Variants in ACAP1 observed in about 807,000 individuals in gnomAD.
The protein encoded by ACAP1 is ArfGAP with coiled-coil, ankyrin repeat and PH domains 1.
ACAP1 carries 45 observed loss-of-function variants against 98.8 expected under a neutral mutation model. That is an observed-to-expected ratio of 0.46 (90% CI 0.36 to 0.58). The LOEUF (loss-of-function observed/expected upper bound fraction) is 0.58. Among genes scored for constraint, ACAP1 ranks in the 20% least tolerant of loss-of-function variants. The pLI is 0.00. For missense variants in ACAP1, 735 were observed against 971.4 expected (o/e 0.76, Z 3.24); for synonymous variants, 362 against 375.3 (o/e 0.96, Z 0.41).
Position 7,350,086 on chromosome 17 carries a change from G to C in ACAP1, c.1961+32G>C. 1 of 1,613,324 alleles carries C rather than the reference G, an allele frequency of 6.2e-7. No individual in the cohort carries two copies. The highest frequency in any genetic ancestry group is 8.5e-7 in the Non-Finnish European group (1 of 1,179,336). ...ATGATGGCATGGGGAGGAAGGCTGG[G>C]AGAAGTTGGGCGGCCGGCTGACCCT... On this transcript the variant is annotated intron_variant, in intron 19 of 21. Coordinates refer to ENST00000158762, the MANE Select transcript of ACAP1 (RefSeq NM_014716.4). This position sits in a 1 kb window ranked among gnomAD's most constrained non-coding sequence, Gnocchi z 4.6.
rs961023137 is a variant in ACAP1, at chr17:7,337,301, C to G, written c.54-11C>G. 1 of 1,613,918 alleles carries G rather than the reference C, an allele frequency of 6.2e-7. No homozygotes were observed. The highest frequency in any genetic ancestry group is 8.5e-7 in the Non-Finnish European group (1 of 1,179,832). ...ACCCAAGCTCTCTTCCCATGACCCC[C>G]TCTTTCCCAGAGCCTCTATTGAGCT... On this transcript the variant is annotated splice_polypyrimidine_tract_variant and intron_variant, in intron 1 of 21. Transcript: ENST00000158762.
chr17:7,341,971 C>A lies in ACAP1; in HGVS notation c.135C>A (p.Leu45=). Reference sequence around the variant, plus strand: ...AGCTCCTGAAACTGGGCACTGGTCTCCTGGAAAGTGGGCGCCATTACCTTG... The same window carrying A: ...AGCTCCTGAAACTGGGCACTGGTCTACTGGAAAGTGGGCGCCATTACCTTG... ...LEKLLKLGTG[L]LESGRHYLAA... Residue 45 remains leucine, a synonymous_variant, in exon 3 of 22, where the codon CTC becomes CTA. Transcript: ENST00000158762. 6.2e-7 allele frequency: 1 copy of A among 1,614,198 alleles called. No homozygotes were observed. The highest frequency in any genetic ancestry group is 8.5e-7 in the Non-Finnish European group (1 of 1,180,034).
In ACAP1 at chr17:7,344,394, G is replaced by C; in HGVS notation, c.745-145G>C. The C allele has an allele frequency of 1.4e-6, 1 of 706,650 alleles. No individual in the cohort carries two copies. Among genetic ancestry groups the C allele is most frequent in the Non-Finnish European group, 2.4e-6 (1 of 422,916 alleles). 43.8% of individuals were successfully genotyped at this position (706,650 alleles called of 1,614,324 possible). On this transcript the variant is annotated intron_variant, in intron 9 of 21. Coordinates refer to ENST00000158762, the MANE Select transcript of ACAP1 (RefSeq NM_014716.4). The surrounding 1 kb of genome is among the most constrained non-coding windows in gnomAD (Gnocchi z 4.9). ...CAACTGCACTTAAGCCTGGGTGAAAGAACAAGACCCTGTCTCTAAAAATAA... is the reference window on the plus strand; with the variant it reads ...CAACTGCACTTAAGCCTGGGTGAAACAACAAGACCCTGTCTCTAAAAATAA...
At chr17:7,348,822 T>A (rs1180066662) in intron 17 of ACAP1, 173 bp from the exon 18 acceptor site, 17 of 635,488 alleles carry the variant, frequency 2.7e-5, no homozygotes, top group Non-Finnish European at 4.6e-5. Context: ...CTCGTACACA[T>A]GCATACGCAT....
At chr17:7,342,673 G>A in intron 5 of ACAP1, 199 bp downstream of exon 5, 1 of 636,846 alleles carries the variant, frequency 1.6e-6, no homozygotes, top group Non-Finnish European at 2.7e-6. Flanking sequence ...GCCAAGGCGG[G>A]CGGATCACCT....
In ACAP1 at chr17:7,350,835, C is replaced by A. The variant is rs2073400484; in HGVS notation, c.2073-115C>A. ...CCATGTTGGCCAGGACGGTCTCGATCTCCTGACCTCGTGATCCGCCTGCCT... is the reference window on the plus strand; with the variant it reads ...CCATGTTGGCCAGGACGGTCTCGATATCCTGACCTCGTGATCCGCCTGCCT... On this transcript the variant is annotated intron_variant, in intron 20 of 21. Coordinates refer to ENST00000158762, the MANE Select transcript of ACAP1 (RefSeq NM_014716.4). This position sits in a 1 kb window ranked among gnomAD's most constrained non-coding sequence, Gnocchi z 4.6. 4.0e-6 allele frequency: 4 copies of A among 1,000,868 alleles called. No homozygotes were observed. The South Asian group carries it at 4.1e-5, about 10-fold the overall frequency. The allele number at this position is 1,000,868 out of a possible 1,614,324, so 62.0% of individuals were successfully genotyped here. A position where few individuals can be genotyped will look rare whatever the true frequency, so the allele number is the denominator to read the frequency against.
intron 5 of ACAP1, 154 bp downstream of exon 5, chr17:7,342,628 G>C (rs1316728776): frequency 3.5e-6 from 3 of 861,446 alleles, no homozygotes; most frequent in African/African-American, 1.7e-5. Flanking sequence ...GGCCGGGCAC[G>C]GTGGCTCATG....
intron 2 of ACAP1, among the ~76,000 whole-genome samples, chr17:7,340,306 G>C (rs2073263613): frequency 6.6e-6 from 1 of 152,168 alleles, no homozygotes; most frequent in Non-Finnish European, 1.5e-5. Context: ...GAATGCTCTT[G>C]AAGTTTATCC....
intron 2 of ACAP1, among the ~76,000 whole-genome samples, chr17:7,340,025 T>A (rs1003209411): frequency 6.6e-6 from 1 of 151,858 alleles, no homozygotes; most frequent in Non-Finnish European, 1.5e-5. Context: ...ACTCAGGAGG[T>A]CAAGGTAGGA....
At chr17:7,341,844 G>C in intron 2 of ACAP1, 104 bp from the exon 3 acceptor site, 5 of 1,537,256 alleles carry the variant, frequency 3.3e-6, no homozygotes, top group Non-Finnish European at 4.4e-6. Flanking sequence ...CAGGAATAGG[G>C]GAGCGCCGCC....
At chr17:7,336,870 T>C in intron 1 of ACAP1, 83 bp downstream of exon 1, 6 of 1,490,114 alleles carry the variant, frequency 4.0e-6, no homozygotes, top group Non-Finnish European at 5.6e-6. Context: ...AGGCCAGGTC[T>C]CCTTCCAGGG....
In ACAP1 at chr17:7,344,448, A is replaced by G; in HGVS notation, c.745-91A>G. 1.1e-6 allele frequency: 1 copy of G among 919,396 alleles called. No homozygotes were observed. Among genetic ancestry groups the G allele is most frequent in the Non-Finnish European group, 1.7e-6 (1 of 601,312 alleles). 57.0% of individuals were successfully genotyped at this position (919,396 alleles called of 1,614,324 possible). Reference sequence around the variant, plus strand: ...TTAAAAAGTATTTCAAAAAGCAGAAAGTAAGGGCTAGGGCTGTGGGCAGGA... The same window carrying G: ...TTAAAAAGTATTTCAAAAAGCAGAAGGTAAGGGCTAGGGCTGTGGGCAGGA... On this transcript the variant is annotated intron_variant, in intron 9 of 21. Coordinates refer to ENST00000158762, the MANE Select transcript of ACAP1 (RefSeq NM_014716.4). The surrounding 1 kb of genome is among the most constrained non-coding windows in gnomAD (Gnocchi z 4.9).
At chr17:7,340,753 G>C (rs976277558) in intron 2 of ACAP1, among the ~76,000 whole-genome samples, 6 of 152,206 alleles carry the variant, frequency 3.9e-5, no homozygotes, top group African/African-American at 1.4e-4. Context: ...GGCTGAGGCA[G>C]GAGGATCGCT....
chr17:7,343,383 C>G lies in ACAP1; in HGVS notation c.349C>G (p.Leu117Val). The G allele has an allele frequency of 1.2e-6, 2 of 1,612,464 alleles. No homozygotes were observed. Among genetic ancestry groups the G allele is most frequent in the Non-Finnish European group, 1.7e-6 (2 of 1,179,468 alleles). Residue 117 changes from leucine to valine, a missense_variant, in exon 6 of 22, where the codon CTG becomes GTG. Around this residue, in one of 5 missense-constraint regions of ACAP1, gnomAD observed 430 missense variants for 531.8 expected, o/e 0.81. Coordinates refer to ENST00000158762, the MANE Select transcript of ACAP1 (RefSeq NM_014716.4). The surrounding 1 kb of genome is among the most constrained non-coding windows in gnomAD (Gnocchi z 4.9). ...GTGTTATTTTCCCATCCTCAGAGGTCTGCGGGGTTTCCGAGAGGCTCGCCG... is the reference window on the plus strand; with the variant it reads ...GTGTTATTTTCCCATCCTCAGAGGTGTGCGGGGTTTCCGAGAGGCTCGCCG... The part of the protein sequence containing the change: ...QQIQTLVKEG[L>V]RGFREARRDF...
In ACAP1 at chr17:7,342,167, C is replaced by T. The variant is rs922104093; in HGVS notation, c.231+100C>T. On this transcript the variant is annotated intron_variant, in intron 3 of 21. Transcript: ENST00000158762. ...CCTGGGGTCTGCAGGTTCCAGGCCA[C>T]AGCAGGGCTGGGCTGCTGTCCATGA... 3 of 1,606,848 alleles carry T rather than the reference C, an allele frequency of 1.9e-6. No homozygotes were observed. In the African/African-American group the frequency reaches 4.0e-5, roughly 21 times the overall value.
chr17:7,336,747 C>G lies in ACAP1; in HGVS notation c.13C>G (p.Leu5Val). Residue 5 changes from leucine to valine, a missense_variant, in exon 1 of 22, where the codon CTG becomes GTG. Coordinates refer to ENST00000158762, the MANE Select transcript of ACAP1 (RefSeq NM_014716.4). ...CAGGCAAGCTGAGATGACGGTCAAG[C>G]TGGATTTCGAGGAGTGTCTCAAGGA... MTVK[L>V]DFEECLKDSP... 2 of 1,613,974 alleles carry G rather than the reference C, an allele frequency of 1.2e-6. No homozygotes were observed. Among genetic ancestry groups the G allele is most frequent in the Non-Finnish European group, 1.7e-6 (2 of 1,179,890 alleles).
intron 1 of ACAP1, 91 bp from the exon 2 acceptor site, chr17:7,337,221 C>A: frequency 3.2e-6 from 4 of 1,233,396 alleles, no homozygotes; most frequent in Non-Finnish European, 3.6e-6. Context: ...CTTTCTCCTC[C>A]GTACCCACCG....
rs184469798 is a variant in ACAP1, at chr17:7,350,302, G to T, written c.2072+65G>T. Reference sequence around the variant, plus strand: ...CCCCCACCCCCGCCCACCCACGTTCGGGCGGGCGGGCGGGGCTGACGCCGA... The same window carrying T: ...CCCCCACCCCCGCCCACCCACGTTCTGGCGGGCGGGCGGGGCTGACGCCGA... On this transcript the variant is annotated intron_variant, in intron 20 of 21. Transcript: ENST00000158762. This position sits in a 1 kb window ranked among gnomAD's most constrained non-coding sequence, Gnocchi z 4.6. The T allele has an allele frequency of 0.013, 17,087 of 1,308,968 alleles. 161 individuals carry two copies. Among genetic ancestry groups the T allele is most frequent in the Middle Eastern group, 0.04 (154 of 3,832 alleles). The allele number at this position is 1,308,968 out of a possible 1,614,324, so 81.1% of individuals were successfully genotyped here.
chr17:7,337,358 C>T lies in ACAP1; in HGVS notation c.100C>T (p.Arg34Cys), dbSNP rs974930990. The stretch of plus-strand genomic sequence containing the variant: ...AGCCGAAGTGTCAGAATTGGAGACC[C>T]GTCTGGAAAAGGTGACCCTGACATG... The part of the protein sequence containing the change: ...VEAEVSELET[R>C]LEKLLKLGTG... The change falls in exon 2 of 22, where the codon CGT becomes TGT. Residue 34 changes from arginine (R) to cysteine (C), a missense_variant. Coordinates refer to ENST00000158762, the MANE Select transcript of ACAP1 (RefSeq NM_014716.4). 3.1e-6 allele frequency: 5 copies of T among 1,613,966 alleles called. No homozygotes were observed. The African/African-American group carries it at 4.0e-5, about 13-fold the overall frequency.
Sources: gnomAD v4.1 joint callset for allele counts (sites outside exome capture counted in the v4.1 genomes callset) on GRCh38, gnomAD v4.1.1 for gene constraint, gnomAD v4.1.1 regional missense constraint, Gnocchi (gnomAD v3.1) non-coding constraint, MANE v1.5 for transcripts, NCBI Gene and HGNC (gene_info 2026-07-23, HGNC 2026-07-21) for gene names.